Variants in ANKRD50 observed in about 807,000 individuals in gnomAD.
The protein encoded by ANKRD50 is ankyrin repeat domain-containing protein 50.
In ANKRD50, 40 loss-of-function variants were observed where a neutral mutation model predicts 112.0. The observed-to-expected ratio is 0.36, with a 90% CI of 0.28 to 0.46. The LOEUF (loss-of-function observed/expected upper bound fraction) is 0.46, where lower values mean the gene tolerates loss of function less well. ANKRD50 is among the 20% of genes least tolerant of loss of function. ANKRD50 has a pLI of 1.00. For missense variants in ANKRD50, 1,487 were observed against 1,701.7 expected (o/e 0.87, Z 2.22); for synonymous variants, 613 against 619.1 (o/e 0.99, Z 0.15).
intron 4 of ANKRD50, among the ~76,000 whole-genome samples, chr4:124,668,066 A>G (rs1349480350): frequency 2.6e-5 from 4 of 151,964 alleles, no homozygotes; most frequent in East Asian, 1.9e-4. Flanking sequence ...GTATGCTAGG[A>G]AAGACCCCTA....
At chr4:124,709,862 T>C in intron 2 of ANKRD50, 138 bp downstream of exon 2, 1 of 1,135,012 alleles carries the variant, frequency 8.8e-7, no homozygotes, top group Non-Finnish European at 1.2e-6. Context: ...AGTAAACAGG[T>C]ATACTCATAA....
chr4:124,671,197 C>T lies in ANKRD50; in HGVS notation c.2080G>A (p.Glu694Lys). 6.2e-7 allele frequency: 1 copy of T among 1,613,880 alleles called. No homozygotes were observed. The highest frequency in any genetic ancestry group is 8.5e-7 in the Non-Finnish European group (1 of 1,179,846). Residue 694 changes from glutamate to lysine, a missense_variant, in exon 4 of 5, where the codon GAA becomes AAA. By Grantham distance (56) the Glu-to-Lys change is moderately conservative. Around this residue, in one of 2 missense-constraint regions of ANKRD50, gnomAD observed 1,046 missense variants for 1,269.5 expected, o/e 0.82. Coordinates refer to ENST00000504087, the MANE Select transcript of ANKRD50 (RefSeq NM_020337.3). ...TCTGCTCCATGGTCCAGTAGGTGTTCCACAATCTCTCTATGTCCCATGTAT... is the reference window on the plus strand; with the variant it reads ...TCTGCTCCATGGTCCAGTAGGTGTTTCACAATCTCTCTATGTCCCATGTAT... ...AAYMGHREIV[E>K]HLLDHGAEVN...
intron 2 of ANKRD50, among the ~76,000 whole-genome samples, chr4:124,696,817 T>G (rs1363124675): frequency 6.6e-6 from 1 of 152,198 alleles, no homozygotes; most frequent in Admixed American, 6.5e-5. Flanking sequence ...CATTTAAAAT[T>G]TATCAGTTTA....
At chr4:124,694,515 C>G (rs1047576741) in intron 2 of ANKRD50, among the ~76,000 whole-genome samples, 1 of 152,130 alleles carries the variant, frequency 6.6e-6, no homozygotes, top group Non-Finnish European at 1.5e-5. Context: ...CAAGTTCTCC[C>G]ACTTCTAGCA....
intron 4 of ANKRD50, 145 bp downstream of exon 4, chr4:124,668,839 A>G: frequency 3.0e-6 from 2 of 670,300 alleles, no homozygotes; most frequent in Admixed American, 3.3e-5. Context: ...ATTCTGATGT[A>G]AAGGGGTGAT....
intron 2 of ANKRD50, 80 bp from the exon 3 acceptor site, chr4:124,678,985 T>A: frequency 9.8e-7 from 1 of 1,021,460 alleles, no homozygotes; most frequent in Non-Finnish European, 1.4e-6. Flanking sequence ...ATTAGAGTAT[T>A]AATTATAAAT....
chr4:124,696,771 A>G (rs1409344898), intron 2 of ANKRD50, among the ~76,000 whole-genome samples: 3 of 152,238 alleles, frequency 2.0e-5, no homozygotes, highest in Admixed American at 6.5e-5. Context: ...TGTTATTTAT[A>G]TTAACATGTA....
In ANKRD50 at chr4:124,710,617, A is replaced by C; in HGVS notation, c.-106T>G. ...TTAAGTTGACTCTGAAGACAGAGTA[A>C]CTAGTTACAGTAAAATTCAACAGCC... On this transcript the variant is annotated 5_prime_UTR_variant, in exon 2 of 5. Coordinates refer to ENST00000504087, the MANE Select transcript of ANKRD50 (RefSeq NM_020337.3). 1 of 1,328,926 alleles carries C rather than the reference A, an allele frequency of 7.5e-7. No homozygotes were observed. The highest frequency in any genetic ancestry group is 1.0e-6 in the Non-Finnish European group (1 of 975,716). 82.3% of individuals were successfully genotyped at this position (1,328,926 alleles called of 1,614,324 possible). A position where few individuals can be genotyped will look rare whatever the true frequency, so the allele number is the denominator to read the frequency against.
Position 124,669,324 on chromosome 4 carries a change from G to C in ANKRD50, c.3953C>G (p.Pro1318Arg). The part of the protein sequence containing the change: ...GPIAKSGTAA[P>R]PKQMPAESQC... ...AGATTCTGCTGGCATTTGTTTAGGT[G>C]GTGCAGCAGTCCCGGATTTGGCTAT... is the stretch of plus-strand genomic sequence containing the variant. Residue 1318 changes from proline to arginine, a missense_variant, in exon 4 of 5, where the codon CCA (proline) becomes CGA (arginine). Physicochemically the swap from Pro to Arg is moderately radical, Grantham distance 103. Around this residue, in one of 2 missense-constraint regions of ANKRD50, gnomAD observed 441 missense variants for 432.2 expected, o/e 1.02. Transcript: ENST00000504087. The C allele has an allele frequency of 6.2e-7, 1 of 1,613,678 alleles. No individual in the cohort carries two copies. The highest frequency in any genetic ancestry group is 8.5e-7 in the Non-Finnish European group (1 of 1,179,808).
At chr4:124,686,877 T>C (rs1361911855) in intron 2 of ANKRD50, among the ~76,000 whole-genome samples, 1 of 151,988 alleles carries the variant, frequency 6.6e-6, no homozygotes, top group African/African-American at 2.4e-5. Context: ...ACAACAAATA[T>C]CAAATTTTGT....
chr4:124,671,685 A>C lies in ANKRD50; in HGVS notation c.1592T>G (p.Leu531Ter). The change falls in exon 4 of 5, where the codon TTA (leucine) becomes TGA (stop). Residue 531 changes from leucine to a stop codon, truncating the protein, a stop_gained. Transcript: ENST00000504087. LOFTEE classifies it high-confidence loss of function. ...ALEREDSIRTLLDNGASVNQC... is the reference protein window; with the variant it reads ...ALEREDSIRT ...ATTTACTGAAGCTCCATTATCTAAT[A>C]ATGTCCGAATGGAATCCTCTCTTTC... 6.2e-7 allele frequency: 1 copy of C among 1,613,860 alleles called. No homozygotes were observed. The highest frequency in any genetic ancestry group is 2.2e-5 in the East Asian group (1 of 44,854).
intron 2 of ANKRD50, among the ~76,000 whole-genome samples, chr4:124,683,096 T>G (rs1249199422): frequency 6.6e-6 from 1 of 151,848 alleles, no homozygotes; most frequent in Non-Finnish European, 1.5e-5. Context: ...AATGTATATA[T>G]ATACCCATAT....
At chr4:124,672,656 G>T (rs1331969327) in intron 3 of ANKRD50, 122 bp from the exon 4 acceptor site, 2 of 674,148 alleles carry the variant, frequency 3.0e-6, no homozygotes, top group African/African-American at 1.9e-5. Context: ...CTAATAAGCA[G>T]ATCAATTAAT....
chr4:124,670,637 T>C lies in ANKRD50; in HGVS notation c.2640A>G (p.Gly880=). The C allele has an allele frequency of 6.2e-7, 1 of 1,613,550 alleles. No homozygotes were observed. ...GARTNEIDND[G]RIPFILASQE... The stretch of plus-strand genomic sequence containing the variant: ...GTGAAGCTAATATGAAAGGGATTCG[T>C]CCATCATTGTCAATCTCATTTGTTC... The change falls in exon 4 of 5, where the codon GGA becomes GGG. Residue 880 remains glycine (G), a synonymous_variant. Transcript: ENST00000504087.
intron 3 of ANKRD50, among the ~76,000 whole-genome samples, chr4:124,677,086 T>C (rs1730790701): frequency 6.6e-6 from 1 of 151,778 alleles, no homozygotes; most frequent in Admixed American, 6.6e-5. Context: ...TGGAAAGCAA[T>C]TTGACAATAT....
chr4:124,699,021 G>C (rs1023748627), intron 2 of ANKRD50, among the ~76,000 whole-genome samples: 1 of 152,034 alleles, frequency 6.6e-6, no homozygotes, highest in Non-Finnish European at 1.5e-5. Flanking sequence ...TGTTGCTATA[G>C]AATAAAAAAT....
Position 124,667,316 on chromosome 4 carries a change from GAA to G in ANKRD50, c.*200_*201del, listed in dbSNP as rs1328348348. 85 of 152,082 alleles carry G rather than the reference GAA, an allele frequency of 5.6e-4. 1 individual carries two copies. The highest frequency in any genetic ancestry group is 3.9e-4 in the Admixed American group (6 of 15,266). The allele number at this position is 152,082 out of a possible 1,614,324, so 9.4% of individuals were successfully genotyped here. A position where few individuals can be genotyped will look rare whatever the true frequency, so the allele number is the denominator to read the frequency against. ...GTAGTGAATACAAAGCACACAAAAT[GAA>G]ATTTTTTAAGCACAGAGGGTTACAT... is the stretch of plus-strand genomic sequence containing the variant. On this transcript the variant is annotated 3_prime_UTR_variant, in exon 5 of 5. Coordinates refer to ENST00000504087, the MANE Select transcript of ANKRD50 (RefSeq NM_020337.3).
At chr4:124,676,774 A>G (rs999686886) in intron 3 of ANKRD50, among the ~76,000 whole-genome samples, 3 of 151,742 alleles carry the variant, frequency 2.0e-5, no homozygotes, top group African/African-American at 7.2e-5. Context: ...GCTGAAGAAA[A>G]TAGTTGCAAA....
chr4:124,696,030 T>C (rs1342581752), intron 2 of ANKRD50, among the ~76,000 whole-genome samples: 1 of 152,022 alleles, frequency 6.6e-6, no homozygotes, highest in Non-Finnish European at 1.5e-5. Flanking sequence ...GATTATAGAT[T>C]GACAATCTAG....
Sources: gnomAD v4.1 joint callset for allele counts (sites outside exome capture counted in the v4.1 genomes callset) on GRCh38, gnomAD v4.1.1 for gene constraint, gnomAD v4.1.1 regional missense constraint, MANE v1.5 for transcripts, NCBI Gene and HGNC (gene_info 2026-07-23, HGNC 2026-07-21) for gene names.